The following CTTNBP2NL variants were observed in gnomAD, a reference collection of about 807,000 sequenced individuals.
CTTNBP2NL encodes the protein CTTNBP2 N-terminal like, also known as CTTNBP2 N-terminal-like protein.
A neutral mutation model predicts 32.5 loss-of-function variants in CTTNBP2NL; 16 were observed. That is an observed-to-expected ratio of 0.49 (90% CI 0.33 to 0.75). CTTNBP2NL has a LOEUF of 0.75. CTTNBP2NL is among the 30% of genes least tolerant of loss of function. The pLI is 0.02. For missense variants in CTTNBP2NL, 645 were observed against 756.0 expected (o/e 0.85, Z 1.72); for synonymous variants, 298 against 289.4 (o/e 1.03, Z -0.30).
intron 5 of CTTNBP2NL, 39 bp downstream of exon 5, chr1:112,454,595 G>A (rs762267270): frequency 2.9e-6 from 4 of 1,389,600 alleles, no homozygotes; most frequent in Non-Finnish European, 2.0e-6. Context: ...CATTTGCCTG[G>A]AACAGCATTT....
intron 1 of CTTNBP2NL, among the ~76,000 whole-genome samples, chr1:112,404,806 C>CT (rs1291796019): frequency 3.3e-5 from 5 of 152,324 alleles, no homozygotes; most frequent in Non-Finnish European, 7.3e-5. Flanking sequence ...AATTCCAGCA[C>CT]TTTGGGAGGC....
intron 2 of CTTNBP2NL, among the ~76,000 whole-genome samples, chr1:112,413,209 C>T (rs17030259): frequency 6.6e-6 from 1 of 152,084 alleles, no homozygotes. Context: ...ATATGTACCT[C>T]TTATTTTTAT....
chr1:112,442,803 G>T (rs2483344), intron 3 of CTTNBP2NL, among the ~76,000 whole-genome samples: 83,872 of 151,770 alleles, frequency 0.55, 24,267 homozygotes, highest in South Asian at 0.7. Flanking sequence ...CAATTCTCCT[G>T]CCTCAGCCTC....
chr1:112,447,729 T>G (rs1650092749), intron 3 of CTTNBP2NL, among the ~76,000 whole-genome samples: 2 of 152,088 alleles, frequency 1.3e-5, no homozygotes, highest in Middle Eastern at 3.4e-3. Context: ...CAAATTTCCC[T>G]TTTTTTTAAA....
At chr1:112,412,610 T>A (rs906413160) in intron 2 of CTTNBP2NL, among the ~76,000 whole-genome samples, 1 of 121,008 alleles carries the variant, frequency 8.3e-6, no homozygotes, top group Non-Finnish European at 1.6e-5. Context: ...GTTGGTACCT[T>A]TTTTTTTTTT....
At chr1:112,448,608 C>T (rs1650122681) in intron 3 of CTTNBP2NL, among the ~76,000 whole-genome samples, 1 of 152,140 alleles carries the variant, frequency 6.6e-6, no homozygotes. Context: ...CCAATTCAGA[C>T]AGCTTGCTAG....
At position 112,436,046 on chromosome 1, in the gene CTTNBP2NL, A is replaced by ATTT. The variant is rs374188144; in HGVS notation, c.100-12882_100-12880dup. 1.1e-4 allele frequency among the ~76,000 whole-genome samples: 14 copies of ATTT among 124,944 alleles called. No homozygotes were observed. In the East Asian group the frequency reaches 2.0e-3, roughly 18 times the overall value. The allele number at this position is 124,944 out of a possible 152,430, so 82.0% of individuals were successfully genotyped here. On this transcript the variant is annotated intron_variant, in intron 3 of 5. Transcript: ENST00000271277. Reference sequence around the variant, plus strand: ...CGACTGATCCTCCATTTCTCCTGTGATTTTTTTTTTTTTTTTGAGATTTGC... The same window carrying ATTT: ...CGACTGATCCTCCATTTCTCCTGTGATTTTTTTTTTTTTTTTTTTGAGATTTGC...
chr1:112,404,612 T>C (rs1446251745), intron 1 of CTTNBP2NL, among the ~76,000 whole-genome samples: 2 of 152,196 alleles, frequency 1.3e-5, no homozygotes, highest in African/African-American at 4.8e-5. Flanking sequence ...TTGTGGTATT[T>C]TACAAGTTAT....
intron 1 of CTTNBP2NL, among the ~76,000 whole-genome samples, chr1:112,399,724 T>A (rs1238955478): frequency 6.6e-6 from 1 of 152,226 alleles, no homozygotes; most frequent in Non-Finnish European, 1.5e-5. Context: ...TCTATGCTGG[T>A]TGGCCCCAGG....
intron 1 of CTTNBP2NL, among the ~76,000 whole-genome samples, chr1:112,400,733 A>G (rs1648472556): frequency 6.6e-6 from 1 of 152,158 alleles, no homozygotes; most frequent in Non-Finnish European, 1.5e-5. Context: ...CGGAGGTTGC[A>G]GTGAGCCAAG....
upstream of CTTNBP2NL, among the ~76,000 whole-genome samples, chr1:112,393,354 C>A (rs758249900): frequency 6.6e-6 from 1 of 152,112 alleles, no homozygotes; most frequent in Non-Finnish European, 1.5e-5. Flanking sequence ...TGGAAATTTA[C>A]TTATTTGGAA....
At chr1:112,440,263 G>A (rs973976524) in intron 3 of CTTNBP2NL, among the ~76,000 whole-genome samples, 1 of 152,062 alleles carries the variant, frequency 6.6e-6, no homozygotes, top group African/African-American at 2.4e-5. Context: ...GTTACATTTT[G>A]TATATTTGAT....
rs1296559168 is a variant in CTTNBP2NL, at chr1:112,459,699, G to A, written c.*2287G>A. The A allele has an allele frequency of 6.6e-6, 1 of 152,174 alleles. No individual in the cohort carries two copies. Among genetic ancestry groups the A allele is most frequent in the Non-Finnish European group, 1.5e-5 (1 of 68,030 alleles). The allele number at this position is 152,174 out of a possible 1,614,324, so 9.4% of individuals were successfully genotyped here. ...CAAAACGAATAGTGTTGATAAAATA[G>A]CTAAACTTTCTAAACTGGAGAGGAG... On this transcript the variant is annotated 3_prime_UTR_variant, in exon 6 of 6. Transcript: ENST00000271277.
Position 112,396,909 on chromosome 1 carries a change from T to G in CTTNBP2NL, c.-134+637T>G, listed in dbSNP as rs2488763. Among the ~76,000 whole-genome samples, 3 of 151,662 alleles carry G rather than the reference T, an allele frequency of 2.0e-5. No homozygotes were observed. The East Asian group carries it at 5.9e-4, about 30-fold the overall frequency. ...CGAGAGCTCTCCTGTTTTGGGACTG[T>G]TTTGGACTGTGAAAGAGGGAGAACT... On this transcript the variant is annotated intron_variant, in intron 1 of 5. Transcript: ENST00000271277.
At chr1:112,437,687 C>G (rs1280864772) in intron 3 of CTTNBP2NL, among the ~76,000 whole-genome samples, 1 of 152,062 alleles carries the variant, frequency 6.6e-6, no homozygotes, top group Non-Finnish European at 1.5e-5. Flanking sequence ...GCACACCCAG[C>G]TAATTTTTTG....
intron 3 of CTTNBP2NL, among the ~76,000 whole-genome samples, chr1:112,448,136 C>G (rs1006868879): frequency 1.3e-5 from 2 of 152,160 alleles, no homozygotes; most frequent in Non-Finnish European, 2.9e-5. Flanking sequence ...AGCTTGCATC[C>G]CTTTCTTACA....
intron 3 of CTTNBP2NL, among the ~76,000 whole-genome samples, chr1:112,428,940 G>T (rs1163991674): frequency 3.9e-5 from 6 of 152,236 alleles, no homozygotes; most frequent in African/African-American, 1.4e-4. Context: ...CATCTTGCCA[G>T]ATCCTGAGAC....
Position 112,444,004 on chromosome 1 carries a change from C to G in CTTNBP2NL, c.100-4938C>G, listed in dbSNP as rs560101118. Among the ~76,000 whole-genome samples, 17 of 152,292 alleles carry G rather than the reference C, an allele frequency of 1.1e-4. No individual in the cohort carries two copies. In the East Asian group the frequency reaches 3.3e-3, roughly 29 times the overall value. ...GTAGCATTAACCAAATACTTGGAATCATATTGTTGTTCTGGTCCCTGGCAT... is the reference window on the plus strand; with the variant it reads ...GTAGCATTAACCAAATACTTGGAATGATATTGTTGTTCTGGTCCCTGGCAT... On this transcript the variant is annotated intron_variant, in intron 3 of 5. Coordinates refer to ENST00000271277, the MANE Select transcript of CTTNBP2NL (RefSeq NM_018704.3).
chr1:112,421,310 CTTTTTTTTT>C lies in CTTNBP2NL; in HGVS notation c.99+5056_99+5064del, dbSNP rs34750717. On this transcript the variant is annotated intron_variant, in intron 3 of 5. Transcript: ENST00000271277. ...ACATAATGAGACCCCCATTTCTTTT[CTTTTTTTTT>C]TTTTTTTTTGAGACGGAGTTGCCCA... is the stretch of plus-strand genomic sequence containing the variant. Among the ~76,000 whole-genome samples, 182 of 115,924 alleles carry C rather than the reference CTTTTTTTTT, an allele frequency of 1.6e-3. 3 individuals are homozygous for C. The highest frequency in any genetic ancestry group is 1.4e-3 in the Non-Finnish European group (81 of 57,156). 76.1% of individuals were successfully genotyped at this position (115,924 alleles called of 152,430 possible).
Sources: gnomAD v4.1 joint callset for allele counts (sites outside exome capture counted in the v4.1 genomes callset) on GRCh38, gnomAD v4.1.1 for gene constraint, MANE v1.5 for transcripts, NCBI Gene and HGNC (gene_info 2026-07-23, HGNC 2026-07-21) for gene names.